Variants in MAML2 observed in about 807,000 individuals in gnomAD.
MAML2 encodes the protein mastermind like transcriptional coactivator 2, also known as mastermind-like protein 2.
A neutral mutation model predicts 96.1 loss-of-function variants in MAML2; 22 were observed. The observed-to-expected ratio is 0.23, with a 90% CI of 0.16 to 0.33. The LOEUF (loss-of-function observed/expected upper bound fraction) is 0.33. Ranked by LOEUF, MAML2 falls within the 10% of genes least tolerant of loss-of-function variation. The pLI is 1.00. For missense variants in MAML2, 1,367 were observed against 1,392.4 expected, an observed-to-expected ratio of 0.98 and a Z score of 0.29; for synonymous variants, 561 against 521.3, an observed-to-expected ratio of 1.08 and a Z score of -1.04.
chr11:96,027,678 G>A (rs1349089241), intron 2 of MAML2, among the ~76,000 whole-genome samples: 1 of 152,148 alleles, frequency 6.6e-6, no homozygotes, highest in African/African-American at 2.4e-5. Flanking sequence ...GAGAGGCAGA[G>A]ACACAAAGCT....
Position 96,231,177 on chromosome 11 carries a change from A to T in MAML2, c.513+110206T>A, listed in dbSNP as rs150779040. ...TTCTCTCTATATAAAAACTCTCCTGATTCCCACAGGTAAAATTATTTCCTC... is the reference window on the plus strand; with the variant it reads ...TTCTCTCTATATAAAAACTCTCCTGTTTCCCACAGGTAAAATTATTTCCTC... On this transcript the variant is annotated intron_variant, in intron 1 of 4. Transcript: ENST00000524717. Among the ~76,000 whole-genome samples the T allele has an allele frequency of 9.1e-4, 139 of 152,326 alleles. 1 individual carries two copies. In the East Asian group the frequency reaches 0.025, roughly 28 times the overall value.
intron 2 of MAML2, among the ~76,000 whole-genome samples, chr11:96,070,181 TC>T (rs1647634069): frequency 6.6e-6 from 1 of 151,806 alleles, no homozygotes; most frequent in Admixed American, 6.6e-5. Context: ...TCCCAGCTAC[TC>T]GGGAGGCTGA....
rs146751413 is a variant in MAML2 at position 96,254,184 on chromosome 11, T to C, written c.513+87199A>G. ...ACAGTCATCGGAGACTTTCACTCAA[T>C]ACAAAGTTCTACCAGACCTATGCAA... On this transcript the variant is annotated intron_variant, in intron 1 of 4. Coordinates refer to ENST00000524717, the MANE Select transcript of MAML2 (RefSeq NM_032427.4). Among the ~76,000 whole-genome samples the C allele has an allele frequency of 4.9e-3, 741 of 152,288 alleles. 5 individuals carry two copies. The highest frequency in any genetic ancestry group is 0.016 in the African/African-American group (664 of 41,544).
intron 1 of MAML2, among the ~76,000 whole-genome samples, chr11:96,150,632 T>C (rs975767777): frequency 6.6e-6 from 1 of 152,070 alleles, no homozygotes; most frequent in Non-Finnish European, 1.5e-5. Context: ...ACCCACAGCT[T>C]TGGGGTCTTA....
intron 2 of MAML2, among the ~76,000 whole-genome samples, chr11:95,991,940 G>T (rs1857920868): frequency 6.6e-6 from 1 of 152,168 alleles, no homozygotes; most frequent in South Asian, 2.1e-4. Flanking sequence ...TTAGGGCACT[G>T]GAAAAGCTCC....
chr11:96,041,452 C>T (rs1167825223), intron 2 of MAML2, among the ~76,000 whole-genome samples: 1 of 149,618 alleles, frequency 6.7e-6, no homozygotes, highest in East Asian at 2.0e-4. Context: ...AGTGAGCCAG[C>T]CTGGGCAACA....
chr11:96,225,043 G>A (rs1249621943), intron 1 of MAML2, among the ~76,000 whole-genome samples: 2 of 152,080 alleles, frequency 1.3e-5, no homozygotes, highest in Non-Finnish European at 2.9e-5. Context: ...ATACTCTGGG[G>A]GAGTTTCAAT....
At chr11:96,332,989 C>T (rs1315325334) in intron 1 of MAML2, among the ~76,000 whole-genome samples, 1 of 152,108 alleles carries the variant, frequency 6.6e-6, no homozygotes, top group Non-Finnish European at 1.5e-5. Flanking sequence ...CCGACTTTTG[C>T]CTTAACTGAA....
At chr11:96,117,377 C>T (rs2135840102) in intron 1 of MAML2, among the ~76,000 whole-genome samples, 1 of 151,980 alleles carries the variant, frequency 6.6e-6, no homozygotes, top group African/African-American at 2.4e-5. Flanking sequence ...CTCACTACAG[C>T]CTCAACCTCC....
chr11:96,032,175 G>C (rs543178827), intron 2 of MAML2, among the ~76,000 whole-genome samples: 1 of 152,084 alleles, frequency 6.6e-6, no homozygotes. Context: ...ACTCCAGACA[G>C]GATAGCAAAG....
chr11:96,173,744 T>C (rs1270442557), intron 1 of MAML2, among the ~76,000 whole-genome samples: 1 of 152,220 alleles, frequency 6.6e-6, no homozygotes, highest in East Asian at 1.9e-4. Context: ...GGGACTTCTT[T>C]GTCTTCGTTT....
intron 1 of MAML2, among the ~76,000 whole-genome samples, chr11:96,251,794 C>T (rs1197388945): frequency 1.3e-5 from 2 of 150,744 alleles, no homozygotes; most frequent in Non-Finnish European, 2.9e-5. Context: ...TGCAGTGACG[C>T]GATCTTGGCT....
chr11:96,124,639 A>T (rs1310271948), intron 1 of MAML2, among the ~76,000 whole-genome samples: 8 of 152,148 alleles, frequency 5.3e-5, no homozygotes, highest in Admixed American at 5.2e-4. Flanking sequence ...TATCATCATC[A>T]TCATCACTAC....
Position 96,341,772 on chromosome 11 carries a change from C to G in MAML2, c.124G>C (p.Ala42Pro). 6.2e-7 allele frequency: 1 copy of G among 1,611,816 alleles called. No homozygotes were observed. The highest frequency in any genetic ancestry group is 8.5e-7 in the Non-Finnish European group (1 of 1,179,550). Residue 42 changes from alanine to proline, a missense_variant, in exon 1 of 5, where the codon GCT (alanine) becomes CCT (proline). Ala to Pro is a conservative substitution (Grantham distance 27). Transcript: ENST00000524717. ...VHSAIVERLR[A>P]RIAVCRQHHL... ...TGTTGGCGGCAGACAGCGATCCGAGCCCGGAGGCGCTCCACGATAGCACTG... is the reference window on the plus strand; with the variant it reads ...TGTTGGCGGCAGACAGCGATCCGAGGCCGGAGGCGCTCCACGATAGCACTG...
rs192333980 is a variant in MAML2 at position 96,291,423 on chromosome 11, G to A, written c.513+49960C>T. On this transcript the variant is annotated intron_variant, in intron 1 of 4. Coordinates refer to ENST00000524717, the MANE Select transcript of MAML2 (RefSeq NM_032427.4). Reference sequence around the variant, plus strand: ...ATTACAGGCATGAGCCACTGCGCCCGGCCTTCATAAGCCTTTGTTTATTCC... The same window carrying A: ...ATTACAGGCATGAGCCACTGCGCCCAGCCTTCATAAGCCTTTGTTTATTCC... Among the ~76,000 whole-genome samples, 802 of 152,118 alleles carry A rather than the reference G, an allele frequency of 5.3e-3. 7 individuals are homozygous for A. Among genetic ancestry groups the A allele is most frequent in the African/African-American group, 0.017 (718 of 41,516 alleles).
At chr11:96,157,900 T>C (rs1457632287) in intron 1 of MAML2, among the ~76,000 whole-genome samples, 1 of 152,240 alleles carries the variant, frequency 6.6e-6, no homozygotes, top group African/African-American at 2.4e-5. Flanking sequence ...GATTACATTT[T>C]GTTTTCTTTT....
At chr11:96,097,688 A>G (rs942875038) in intron 1 of MAML2, among the ~76,000 whole-genome samples, 7 of 152,254 alleles carry the variant, frequency 4.6e-5, no homozygotes, top group African/African-American at 1.4e-4. Flanking sequence ...CAACACGGTC[A>G]TAAAATATAA....
At chr11:96,099,590 G>T (rs1027010337) in intron 1 of MAML2, among the ~76,000 whole-genome samples, 1 of 152,100 alleles carries the variant, frequency 6.6e-6, no homozygotes, top group Non-Finnish European at 1.5e-5. Context: ...ACAATGCTGG[G>T]CATATTCTAG....
chr11:96,064,715 T>C (rs1859218915), intron 2 of MAML2, among the ~76,000 whole-genome samples: 1 of 152,230 alleles, frequency 6.6e-6, no homozygotes, highest in Non-Finnish European at 1.5e-5. Flanking sequence ...CTTCAGTGTG[T>C]CATAAAATGT....
Sources: allele counts gnomAD v4.1 joint callset (sites outside exome capture counted in the v4.1 genomes callset), GRCh38; gene constraint gnomAD v4.1.1; transcripts MANE v1.5; gene names NCBI Gene and HGNC (gene_info 2026-07-23, HGNC 2026-07-21).